SORCS2: variants seen among roughly 807,000 people sequenced by gnomAD.
SORCS2 encodes sortilin related VPS10 domain containing receptor 2.
SORCS2 carries 100 observed loss-of-function variants against 141.6 expected under a neutral mutation model. The ratio of observed to expected loss-of-function variants is 0.71; its 90% CI spans 0.60 to 0.83. The LOEUF (loss-of-function observed/expected upper bound fraction) is 0.83. Ranked by LOEUF, SORCS2 falls within the 40% of genes least tolerant of loss-of-function variation. The pLI is 0.00. For synonymous variants in SORCS2, 789 were observed against 676.9 expected (o/e 1.17, Z -2.57); for missense variants, 1,646 against 1,560.2 (o/e 1.05, Z -0.93).
chr4:7,389,186 C>G (rs1723699312), intron 1 of SORCS2, among the ~76,000 whole-genome samples: 1 of 152,220 alleles, frequency 6.6e-6, no homozygotes, highest in Non-Finnish European at 1.5e-5. Flanking sequence ...TGGAGCTTGT[C>G]TGGCTGGAGG....
intron 9 of SORCS2, among the ~76,000 whole-genome samples, chr4:7,677,385 G>A (rs539819759): frequency 3.9e-5 from 6 of 152,376 alleles, no homozygotes; most frequent in Non-Finnish European, 8.8e-5. Context: ...CTTGACCCAT[G>A]TACAGGCCAG....
chr4:7,347,804 T>C (rs1189498397), intron 1 of SORCS2, among the ~76,000 whole-genome samples: 1 of 152,258 alleles, frequency 6.6e-6, no homozygotes, highest in African/African-American at 2.4e-5. Context: ...ACATCTTTAA[T>C]GTCATGTATT....
At chr4:7,294,666 T>G (rs1577364427) in intron 1 of SORCS2, among the ~76,000 whole-genome samples, 1 of 66,898 alleles carries the variant, frequency 1.5e-5, no homozygotes, top group African/African-American at 6.7e-5. Context: ...CCTCTTCCTC[T>G]CCCTCCTCCT....
intron 17 of SORCS2, among the ~76,000 whole-genome samples, chr4:7,715,608 G>C (rs1265553935): frequency 6.6e-6 from 1 of 152,238 alleles, no homozygotes; most frequent in Non-Finnish European, 1.5e-5. Context: ...CCTTGAGTTG[G>C]CTCTGGACAG....
At chr4:7,433,891 G>A (rs764480238) in intron 2 of SORCS2, 3 of 1,613,898 alleles carry the variant, frequency 1.9e-6, no homozygotes, top group Non-Finnish European at 2.5e-6. Context: ...CGTGATAGAG[G>A]CAGGCATTAC....
intron 1 of SORCS2, among the ~76,000 whole-genome samples, chr4:7,214,829 G>A (rs1338480090): frequency 3.3e-5 from 5 of 152,230 alleles, no homozygotes; most frequent in Non-Finnish European, 7.3e-5. Context: ...CACGAAGGAC[G>A]CCTGTCTTTG....
At chr4:7,629,164 G>A (rs1258960058) in intron 3 of SORCS2, among the ~76,000 whole-genome samples, 1 of 152,148 alleles carries the variant, frequency 6.6e-6, no homozygotes, top group East Asian at 1.9e-4. Flanking sequence ...TGCATGTTGT[G>A]TGTCGTATGT....
chr4:7,456,396 G>A (rs1389403577), intron 2 of SORCS2, among the ~76,000 whole-genome samples: 1 of 152,154 alleles, frequency 6.6e-6, no homozygotes, highest in African/African-American at 2.4e-5. Context: ...GTTGGTCTCT[G>A]TTTCACATTC....
At chr4:7,463,514 A>C (rs1219913011) in intron 2 of SORCS2, among the ~76,000 whole-genome samples, 1 of 152,150 alleles carries the variant, frequency 6.6e-6, no homozygotes, top group Non-Finnish European at 1.5e-5. Flanking sequence ...GGGGGCGCAG[A>C]AGCTCTCGAC....
chr4:7,635,267 C>T (rs940745345), intron 3 of SORCS2, among the ~76,000 whole-genome samples: 7 of 152,112 alleles, frequency 4.6e-5, no homozygotes, highest in East Asian at 1.9e-4. Flanking sequence ...GTCAAACACT[C>T]GGCTCCTGAC....
At chr4:7,636,932 G>T (rs1720295564) in intron 3 of SORCS2, among the ~76,000 whole-genome samples, 1 of 152,092 alleles carries the variant, frequency 6.6e-6, no homozygotes. Flanking sequence ...CCTTCGTTCT[G>T]TGCCGCTCCC....
intron 1 of SORCS2, among the ~76,000 whole-genome samples, chr4:7,366,743 C>T (rs1721922465): frequency 6.6e-6 from 1 of 152,052 alleles, no homozygotes; most frequent in Non-Finnish European, 1.5e-5. Context: ...TGTGTGCTCA[C>T]CACATGTGTT....
rs1259763403 is a variant in SORCS2 at position 7,536,840 on chromosome 4, G to A, written c.648+5211G>A. ...GTCCCCATACTCAGATGTGGGGGGG[G>A]GGGGCGGGCAGGGCCCACCTCGAGG... On this transcript the variant is annotated intron_variant, in intron 3 of 26. Transcript: ENST00000507866. Among the ~76,000 whole-genome samples the A allele has an allele frequency of 6.6e-5, 3 of 45,678 alleles. No homozygotes were observed. The South Asian group carries it at 9.4e-3, about 143-fold the overall frequency. The allele number at this position is 45,678 out of a possible 152,430, so 30.0% of individuals were successfully genotyped here.
intron 2 of SORCS2, among the ~76,000 whole-genome samples, chr4:7,524,622 T>A (rs1733547850): frequency 6.6e-6 from 1 of 151,896 alleles, no homozygotes; most frequent in South Asian, 2.1e-4. Context: ...GAGTGATGTT[T>A]AGAGTTTAGA....
chr4:7,311,191 G>T (rs541577017), intron 1 of SORCS2, among the ~76,000 whole-genome samples: 15 of 150,578 alleles, frequency 1.0e-4, no homozygotes, highest in Middle Eastern at 3.4e-3. Context: ...CCTCCTCCTT[G>T]TCTGGCCTCC....
chr4:7,212,447 C>T (rs1446021528), intron 1 of SORCS2, among the ~76,000 whole-genome samples: 3 of 152,224 alleles, frequency 2.0e-5, no homozygotes, highest in African/African-American at 4.8e-5. Context: ...TTCCTAAGCT[C>T]ACAGAACCAG....
rs1725343266 is a variant in SORCS2, at chr4:7,411,862, CT to C, written c.548+15508del. 2.0e-5 allele frequency among the ~76,000 whole-genome samples: 3 copies of C among 152,294 alleles called. No homozygotes were observed. In the South Asian group the frequency reaches 6.2e-4, roughly 32 times the overall value. ...AGACTTCCTGGAAGGAGATTCACCCCTGGTTCCCAGACACCACAGCCTCCCT... is the reference window on the plus strand; with the variant it reads ...AGACTTCCTGGAAGGAGATTCACCCCGGTTCCCAGACACCACAGCCTCCCT... On this transcript the variant is annotated intron_variant, in intron 2 of 26. Transcript: ENST00000507866.
chr4:7,246,419 A>T (rs938328083), intron 1 of SORCS2, among the ~76,000 whole-genome samples: 1 of 151,202 alleles, frequency 6.6e-6, no homozygotes, highest in Non-Finnish European at 1.5e-5. Flanking sequence ...GAACCCACAC[A>T]TCTCACTCGG....
At chr4:7,372,631 T>C (rs923827753) in intron 1 of SORCS2, among the ~76,000 whole-genome samples, 7 of 152,200 alleles carry the variant, frequency 4.6e-5, no homozygotes, top group Non-Finnish European at 1.5e-5. Flanking sequence ...TTAAAGCATA[T>C]TTCTCAGTAA....
Sources: allele counts gnomAD v4.1 joint callset (sites outside exome capture counted in the v4.1 genomes callset), GRCh38; gene constraint gnomAD v4.1.1; transcripts MANE v1.5; gene names NCBI Gene and HGNC (gene_info 2026-07-23, HGNC 2026-07-21).